SPTB: variants seen among roughly 807,000 people sequenced by gnomAD.
SPTB encodes the protein spectrin beta, erythrocytic, also known as spectrin beta chain, erythrocytic.
In SPTB, 45 loss-of-function variants were observed where a neutral mutation model predicts 256.2. The ratio of observed to expected loss-of-function variants is 0.18; its 90% CI spans 0.14 to 0.23. The LOEUF is 0.23. SPTB is among the 10% of genes least tolerant of loss of function. The probability of loss-of-function intolerance (pLI) is 1.00; values close to 1 mark genes in which losing one functional copy is unlikely to be tolerated. For synonymous variants in SPTB, 1,231 were observed against 1,243.1 expected, an observed-to-expected ratio of 0.99 and a Z score of 0.21; for missense variants, 2,715 against 3,040.4, an observed-to-expected ratio of 0.89 and a Z score of 2.52.
At chr14:64,815,855 C>T (rs550136323) in intron 2 of SPTB, among the ~76,000 whole-genome samples, 2 of 152,142 alleles carry the variant, frequency 1.3e-5, no homozygotes, top group Non-Finnish European at 2.9e-5. Context: ...GTTCAAGCCC[C>T]TGGTGTTACA....
intron 1 of SPTB, among the ~76,000 whole-genome samples, chr14:64,839,677 A>G (rs1258887476): frequency 6.6e-6 from 1 of 152,210 alleles, no homozygotes; most frequent in Non-Finnish European, 1.5e-5. Flanking sequence ...CATTGCCATA[A>G]ACTGCTCTGA....
In SPTB at chr14:64,785,664, C is replaced by T. The variant is rs77460747; in HGVS notation, c.3765-37G>A. ...GCCAAAAGCACAGTCACAATAGTGCCGAGCTTGGGGTCCTCACCAAGCTTG... is the reference window on the plus strand; with the variant it reads ...GCCAAAAGCACAGTCACAATAGTGCTGAGCTTGGGGTCCTCACCAAGCTTG... On this transcript the variant is annotated intron_variant, in intron 17 of 35. Coordinates refer to ENST00000644917, the MANE Select transcript of SPTB (RefSeq NM_001355436.2). The surrounding 1 kb of genome is among the most constrained non-coding windows in gnomAD (Gnocchi z 4.4). 4.2e-5 allele frequency: 67 copies of T among 1,613,352 alleles called. No individual in the cohort carries two copies. The highest frequency in any genetic ancestry group is 3.1e-4 in the East Asian group (14 of 44,866).
At chr14:64,768,928 C>T (rs1167302318) in intron 29 of SPTB, 106 bp downstream of exon 29, 8 of 943,930 alleles carry the variant, frequency 8.5e-6, no homozygotes, top group Middle Eastern at 3.0e-4. Flanking sequence ...GTGGGGGGCT[C>T]CTCTCTAGGC....
intron 6 of SPTB, 27 bp from the exon 7 acceptor site, chr14:64,801,427 G>C: frequency 1.3e-6 from 2 of 1,556,012 alleles, no homozygotes; most frequent in Non-Finnish European, 1.8e-6. Context: ...ACTGTGAAAA[G>C]GGAGTAGCCA....
chr14:64,774,079 G>A (rs1445455451), intron 24 of SPTB, among the ~76,000 whole-genome samples: 4 of 152,206 alleles, frequency 2.6e-5, no homozygotes, highest in African/African-American at 9.6e-5. Flanking sequence ...AAAAGCTAAA[G>A]TAGTCTTCAG....
In SPTB at chr14:64,782,455, G is replaced by C. The variant is rs764275136; in HGVS notation, c.4101C>G (p.Thr1367=). The C allele has an allele frequency of 1.2e-6, 2 of 1,614,158 alleles. No homozygotes were observed. The highest frequency in any genetic ancestry group is 1.7e-6 in the Non-Finnish European group (2 of 1,180,038). ...LHRLWDELQA[T]TKEKTQHLSA... Reference sequence around the variant, plus strand: ...AGAGGTGCTGGGTCTTCTCCTTTGTGGTGGCCTGCAGCTCGTCCCAGAGCC... The same window carrying C: ...AGAGGTGCTGGGTCTTCTCCTTTGTCGTGGCCTGCAGCTCGTCCCAGAGCC... Residue 1367 remains threonine (T), a synonymous_variant, in exon 20 of 36, where the codon ACC becomes ACG. Transcript: ENST00000644917.
At chr14:64,854,978 C>A (rs948768991) in intron 1 of SPTB, among the ~76,000 whole-genome samples, 1 of 152,164 alleles carries the variant, frequency 6.6e-6, no homozygotes, top group Admixed American at 6.5e-5. Context: ...GGAAGTGGCG[C>A]CTGAATGAGA....
intron 1 of SPTB, among the ~76,000 whole-genome samples, chr14:64,848,423 G>A (rs2083727855): frequency 6.6e-6 from 1 of 152,128 alleles, no homozygotes; most frequent in Non-Finnish European, 1.5e-5. Context: ...GTTCTGAGAG[G>A]ATGACCTCAT....
chr14:64,838,627 T>G (rs896400589), intron 1 of SPTB, among the ~76,000 whole-genome samples: 25 of 152,168 alleles, frequency 1.6e-4, no homozygotes, highest in African/African-American at 6.0e-4. Context: ...AATAAGCACA[T>G]GAAAGTGTGC....
At chr14:64,782,202 CA>C (rs2082483609) in intron 20 of SPTB, 87 bp downstream of exon 20, 1 of 1,595,704 alleles carries the variant, frequency 6.3e-7, no homozygotes, top group Non-Finnish European at 8.6e-7. Flanking sequence ...CATGTACCCC[CA>C]AACCTAAAAT....
In SPTB at chr14:64,758,481, G is replaced by A. The variant is rs1220970645; in HGVS notation, c.6346-4688C>T. On this transcript the variant is annotated intron_variant, in intron 32 of 35. Transcript: ENST00000644917. This position sits in a 1 kb window ranked among gnomAD's most constrained non-coding sequence, Gnocchi z 4.6. Reference sequence around the variant, plus strand: ...AAGGCTTGGAGTGGGGCACTGAGGTGGAGGGGCCCCAGAAGCCAAAGGCAG... The same window carrying A: ...AAGGCTTGGAGTGGGGCACTGAGGTAGAGGGGCCCCAGAAGCCAAAGGCAG... 6.6e-6 allele frequency among the ~76,000 whole-genome samples: 1 copy of A among 152,244 alleles called. No homozygotes were observed. Among genetic ancestry groups the A allele is most frequent in the Non-Finnish European group, 1.5e-5 (1 of 68,038 alleles).
chr14:64,843,073 A>AG lies in SPTB; in HGVS notation c.-51-19929dup, dbSNP rs202103708. Among the ~76,000 whole-genome samples the AG allele has an allele frequency of 2.4e-3, 365 of 152,222 alleles. 3 individuals carry two copies. Among genetic ancestry groups the AG allele is most frequent in the African/African-American group, 8.3e-3 (346 of 41,554 alleles). On this transcript the variant is annotated intron_variant, in intron 1 of 35. Transcript: ENST00000644917. The stretch of plus-strand genomic sequence containing the variant: ...GAATGAGACCCTGTCTCAAAAAAAA[A>AG]GGGGGAGGGAAGACATATAGAAGTA...
rs1401165101 is a variant in SPTB, at chr14:64,778,666, T to G, written c.4563+491A>C. 6.6e-6 allele frequency among the ~76,000 whole-genome samples: 1 copy of G among 152,206 alleles called. No homozygotes were observed. Among genetic ancestry groups the G allele is most frequent in the Admixed American group, 6.5e-5 (1 of 15,286 alleles). ...GAGTCCAAAGTTAGTGGCTTCCTAA[T>G]GGAATTTGAGCCCCACAAGTATCCT... On this transcript the variant is annotated intron_variant, in intron 22 of 35. Coordinates refer to ENST00000644917, the MANE Select transcript of SPTB (RefSeq NM_001355436.2). This position sits in a 1 kb window ranked among gnomAD's most constrained non-coding sequence, Gnocchi z 5.2.
At chr14:64,752,363 A>T (rs1368097917) in intron 33 of SPTB, 4 of 833,618 alleles carry the variant, frequency 4.8e-6, no homozygotes, top group Non-Finnish European at 5.2e-6. Flanking sequence ...CATAGGGAGG[A>T]AGTTCTGGAA....
chr14:64,837,012 ACTGT>A (rs2083534156), intron 1 of SPTB, among the ~76,000 whole-genome samples: 1 of 152,242 alleles, frequency 6.6e-6, no homozygotes, highest in Non-Finnish European at 1.5e-5. Context: ...AAGAAAGGCA[ACTGT>A]CTATTGCAGC....
In SPTB at chr14:64,816,124, G is replaced by C. The variant is rs74056034; in HGVS notation, c.148+6823C>G. Among the ~76,000 whole-genome samples the C allele has an allele frequency of 0.029, 4,421 of 152,200 alleles. 145 individuals are homozygous for C. Among genetic ancestry groups the C allele is most frequent in the East Asian group, 0.17 (895 of 5,166 alleles). ...CCAAATCTAACCGTGTCATTTCCCT[G>C]CTGAAAGTACTTTGATGGGCTGGCA... is the stretch of plus-strand genomic sequence containing the variant. On this transcript the variant is annotated intron_variant, in intron 2 of 35. Transcript: ENST00000644917. This position sits in a 1 kb window ranked among gnomAD's most constrained non-coding sequence, Gnocchi z 4.2.
chr14:64,749,556 G>A lies in SPTB; in HGVS notation c.6820-83C>T. ...CCAGGCAACAATGGTGGGGGCTCTT[G>A]GGACTGCCCCTTCTGAGGGGGCCTC... On this transcript the variant is annotated intron_variant, in intron 35 of 35. Transcript: ENST00000644917. The surrounding 1 kb of genome is among the most constrained non-coding windows in gnomAD (Gnocchi z 4.7). 2 of 1,603,336 alleles carry A rather than the reference G, an allele frequency of 1.2e-6. No individual in the cohort carries two copies. The highest frequency in any genetic ancestry group is 8.5e-7 in the Non-Finnish European group (1 of 1,178,424).
At chr14:64,808,698 G>A (rs562818765) in intron 2 of SPTB, among the ~76,000 whole-genome samples, 1 of 152,178 alleles carries the variant, frequency 6.6e-6, no homozygotes, top group South Asian at 2.1e-4. Flanking sequence ...TACAGTTAAG[G>A]AAACAATACT....
chr14:64,785,460 G>T lies in SPTB; in HGVS notation c.3855+77C>A. ...CTCTTGAGCTAGAAAGGATCCCTGT[G>T]GACTTCCTGCCTTGAGGGAACTCTG... On this transcript the variant is annotated intron_variant, in intron 18 of 35. Transcript: ENST00000644917. The surrounding 1 kb of genome is among the most constrained non-coding windows in gnomAD (Gnocchi z 4.4). 1 of 1,332,888 alleles carries T rather than the reference G, an allele frequency of 7.5e-7. No individual in the cohort carries two copies. Among genetic ancestry groups the T allele is most frequent in the East Asian group, 2.4e-5 (1 of 40,974 alleles). 82.6% of individuals were successfully genotyped at this position (1,332,888 alleles called of 1,614,324 possible). A position where few individuals can be genotyped will look rare whatever the true frequency, so the allele number is the denominator to read the frequency against.
Sources: allele counts gnomAD v4.1 joint callset (sites outside exome capture counted in the v4.1 genomes callset), GRCh38; gene constraint gnomAD v4.1.1; non-coding constraint Gnocchi (gnomAD v3.1); transcripts MANE v1.5; gene names NCBI Gene and HGNC (gene_info 2026-07-23, HGNC 2026-07-21).